Variants in DGKI observed in about 807,000 individuals in gnomAD.
The protein encoded by DGKI is diacylglycerol kinase iota.
Under a neutral mutation model 147.5 loss-of-function variants are expected in DGKI, and 55 were observed. The observed-to-expected ratio is 0.37, with a 90% CI of 0.30 to 0.47. DGKI has a LOEUF of 0.47. Among genes scored for constraint, DGKI ranks in the 20% least tolerant of loss-of-function variants. The pLI is 1.00. For synonymous variants in DGKI, 469 were observed against 477.1 expected (o/e 0.98, Z 0.22); for missense variants, 1,007 against 1,323.8 (o/e 0.76, Z 3.71).
At chr7:137,472,189 TATAA>T (rs1228890188) in intron 23 of DGKI, among the ~76,000 whole-genome samples, 2 of 113,668 alleles carry the variant, frequency 1.8e-5, no homozygotes, top group Non-Finnish European at 3.3e-5. Context: ...TGTATATACA[TATAA>T]ATATTATATA....
chr7:137,416,667 T>TC (rs981820065), intron 28 of DGKI, among the ~76,000 whole-genome samples: 10 of 151,952 alleles, frequency 6.6e-5, no homozygotes, highest in Admixed American at 3.3e-4. Flanking sequence ...TGAGTCTGCT[T>TC]CCCCCCCTCT....
intron 6 of DGKI, among the ~76,000 whole-genome samples, chr7:137,643,096 C>A (rs1325222634): frequency 1.3e-5 from 2 of 151,538 alleles, no homozygotes. Context: ...TCGAGACCAT[C>A]TTGGCTAACA....
Position 137,694,744 on chromosome 7 carries a change from C to A in DGKI, c.402-4742G>T, listed in dbSNP as rs554380073. On this transcript the variant is annotated intron_variant, in intron 1 of 32. Transcript: ENST00000614521. Reference sequence around the variant, plus strand: ...TTTTCTTATACCATATGGGCACTAACTTTGCTTGTCTTCAAAGCAGCTCAC... The same window carrying A: ...TTTTCTTATACCATATGGGCACTAAATTTGCTTGTCTTCAAAGCAGCTCAC... Among the ~76,000 whole-genome samples the A allele has an allele frequency of 3.9e-5, 6 of 152,282 alleles. No individual in the cohort carries two copies. In the East Asian group the frequency reaches 9.6e-4, roughly 24 times the overall value.
At chr7:137,654,251 C>G (rs1331595532) in intron 5 of DGKI, among the ~76,000 whole-genome samples, 1 of 152,114 alleles carries the variant, frequency 6.6e-6, no homozygotes, top group African/African-American at 2.4e-5. Context: ...GTGAGACGCC[C>G]AAGATCACAC....
intron 1 of DGKI, among the ~76,000 whole-genome samples, chr7:137,691,425 C>G (rs1823598747): frequency 6.6e-6 from 1 of 152,106 alleles, no homozygotes; most frequent in South Asian, 2.1e-4. Flanking sequence ...CTTCTCAACC[C>G]CTTGGACTAC....
In DGKI at chr7:137,461,959, T is replaced by C. The variant is rs372562225; in HGVS notation, c.2735+1530A>G. 2.1e-3 allele frequency among the ~76,000 whole-genome samples: 313 copies of C among 152,294 alleles called. 8 individuals are homozygous for C. The South Asian group carries it at 0.063, about 31-fold the overall frequency. Reference sequence around the variant, plus strand: ...TATTATATAAAGTGGTAAATTTATTTGTCATTCTTGGGAAGAATATTTACT... The same window carrying C: ...TATTATATAAAGTGGTAAATTTATTCGTCATTCTTGGGAAGAATATTTACT... On this transcript the variant is annotated intron_variant, in intron 27 of 32. Coordinates refer to ENST00000614521, the MANE Select transcript of DGKI (RefSeq NM_001321708.2).
chr7:137,597,180 G>A (rs1162607345), intron 12 of DGKI, among the ~76,000 whole-genome samples: 1 of 152,046 alleles, frequency 6.6e-6, no homozygotes, highest in Non-Finnish European at 1.5e-5. Context: ...CAATGGCAGA[G>A]TAGGGTGAGT....
chr7:137,381,288 AC>A lies in DGKI; in HGVS notation c.*9931del, dbSNP rs1190871120. 2.6e-3 allele frequency: 24 copies of A among 9,124 alleles called. No individual in the cohort carries two copies. Among genetic ancestry groups the A allele is most frequent in the African/African-American group, 0.01 (24 of 2,300 alleles). The allele number at this position is 9,124 out of a possible 1,614,324, so 0.6% of individuals were successfully genotyped here. A position where few individuals can be genotyped will look rare whatever the true frequency, so the allele number is the denominator to read the frequency against. Reference sequence around the variant, plus strand: ...ACTTCATTCTTCCCTTTCCCATCCCACCCCCCCCCCCCCACCCACCCTCCCT... The same window carrying A: ...ACTTCATTCTTCCCTTTCCCATCCCACCCCCCCCCCCCACCCACCCTCCCT... On this transcript the variant is annotated 3_prime_UTR_variant, in exon 33 of 33. Transcript: ENST00000614521.
At chr7:137,447,426 C>G (rs1813758998) in intron 27 of DGKI, among the ~76,000 whole-genome samples, 2 of 151,938 alleles carry the variant, frequency 1.3e-5, no homozygotes, top group African/African-American at 2.4e-5. Flanking sequence ...GCACAGAGAA[C>G]AGGGAGATTG....
chr7:137,682,824 G>A (rs1049716867), intron 2 of DGKI, among the ~76,000 whole-genome samples: 4 of 152,102 alleles, frequency 2.6e-5, no homozygotes, highest in Admixed American at 2.6e-4. Context: ...TGGGAAGTCA[G>A]GCTTTTGGAA....
At chr7:137,722,330 A>G in intron 1 of DGKI, 1 of 1,612,766 alleles carries the variant, frequency 6.2e-7, no homozygotes, top group Non-Finnish European at 8.5e-7. Flanking sequence ...ATGCCTAGAT[A>G]TTATCCTACT....
At chr7:137,788,384 T>G (rs1796737332) in intron 1 of DGKI, among the ~76,000 whole-genome samples, 1 of 152,048 alleles carries the variant, frequency 6.6e-6, no homozygotes, top group Non-Finnish European at 1.5e-5. Context: ...TCCCTTCCCT[T>G]CACTGTCTTC....
At chr7:137,661,078 C>G (rs570170423) in intron 3 of DGKI, among the ~76,000 whole-genome samples, 1 of 152,140 alleles carries the variant, frequency 6.6e-6, no homozygotes, top group Non-Finnish European at 1.5e-5. Context: ...ATGAGGCACA[C>G]GGCAAGCTTT....
At chr7:137,487,841 A>G in intron 21 of DGKI, 152 bp from the exon 22 acceptor site, 2 of 676,764 alleles carry the variant, frequency 3.0e-6, no homozygotes, top group Non-Finnish European at 4.9e-6. Flanking sequence ...TTCTCCCTAC[A>G]CCTTTTTTAT....
intron 2 of DGKI, among the ~76,000 whole-genome samples, chr7:137,679,419 T>G (rs74979938): frequency 1.3e-5 from 2 of 150,564 alleles, no homozygotes; most frequent in African/African-American, 4.9e-5. Flanking sequence ...TTTTTTTTTT[T>G]AATCGTACGA....
chr7:137,432,665 T>C (rs902719194), intron 28 of DGKI, among the ~76,000 whole-genome samples: 2 of 152,200 alleles, frequency 1.3e-5, no homozygotes, highest in Non-Finnish European at 2.9e-5. Flanking sequence ...ATGGCTAATA[T>C]GGAATAAAAC....
intron 14 of DGKI, 133 bp downstream of exon 14, chr7:137,585,076 G>A: frequency 9.9e-7 from 1 of 1,012,376 alleles, no homozygotes; most frequent in East Asian, 2.4e-5. Flanking sequence ...AGCCCCAGTA[G>A]CCATCAACTC....
chr7:137,655,246 T>C (rs1170715931), intron 4 of DGKI, among the ~76,000 whole-genome samples: 1 of 151,826 alleles, frequency 6.6e-6, no homozygotes, highest in East Asian at 1.9e-4. Flanking sequence ...TCACCCAGTC[T>C]GGAGTGCAGT....
chr7:137,719,119 C>T (rs749307641), intron 1 of DGKI, among the ~76,000 whole-genome samples: 16 of 152,196 alleles, frequency 1.1e-4, no homozygotes, highest in Middle Eastern at 3.4e-3. Context: ...TCATGTCGAA[C>T]GTGTCCTAAA....
Sources: gnomAD v4.1 joint callset for allele counts (sites outside exome capture counted in the v4.1 genomes callset) on GRCh38, gnomAD v4.1.1 for gene constraint, MANE v1.5 for transcripts, NCBI Gene and HGNC (gene_info 2026-07-23, HGNC 2026-07-21) for gene names.